Variants in ABHD12 observed in about 807,000 individuals in gnomAD.
ABHD12 encodes the protein abhydrolase domain containing 12, lysophospholipase.
A neutral mutation model predicts 58.3 loss-of-function variants in ABHD12; 43 were observed. The ratio of observed to expected loss-of-function variants is 0.74; its 90% confidence interval spans 0.58 to 0.95. ABHD12 has a LOEUF of 0.95. Among genes scored for constraint, ABHD12 ranks in the 40% least tolerant of loss-of-function variants. ABHD12 has a pLI of 0.00. For synonymous variants in ABHD12, 219 were observed against 211.2 expected (o/e 1.04, Z -0.32); for missense variants, 539 against 537.2 (o/e 1.00, Z -0.03).
intron 11 of ABHD12, 76 bp from the exon 12 acceptor site, chr20:25,302,422 G>A (rs911350780): frequency 1.3e-5 from 20 of 1,586,550 alleles, no homozygotes; most frequent in Non-Finnish European, 1.7e-5. Flanking sequence ...CAGCTTGGCA[G>A]CCTCCCCTTC....
intron 1 of ABHD12, among the ~76,000 whole-genome samples, chr20:25,350,819 G>A (rs1396866339): frequency 6.6e-6 from 1 of 152,076 alleles, no homozygotes; most frequent in African/African-American, 2.4e-5. Flanking sequence ...GACTAGAGCA[G>A]AACTTTATGA....
intron 11 of ABHD12, chr20:25,303,213 T>C (rs1219282544): frequency 5.8e-6 from 7 of 1,206,842 alleles, no homozygotes; most frequent in Non-Finnish European, 7.3e-6. Flanking sequence ...TCCAGCTGAG[T>C]TCCCAGGTTG....
At chr20:25,323,787 C>T (rs999495714) in intron 2 of ABHD12, among the ~76,000 whole-genome samples, 1 of 152,080 alleles carries the variant, frequency 6.6e-6, no homozygotes, top group African/African-American at 2.4e-5. Context: ...AGGAAAGATC[C>T]CCAACAGGTC....
At chr20:25,366,732 C>T (rs1048846556) in intron 1 of ABHD12, among the ~76,000 whole-genome samples, 1 of 152,196 alleles carries the variant, frequency 6.6e-6, no homozygotes, top group African/African-American at 2.4e-5. Flanking sequence ...AAATGGCTAC[C>T]CAATTGTCCC....
At chr20:25,376,128 T>A (rs948237537) in intron 1 of ABHD12, among the ~76,000 whole-genome samples, 5 of 151,122 alleles carry the variant, frequency 3.3e-5, no homozygotes, top group African/African-American at 4.9e-5. Flanking sequence ...TCTCAAAAAA[T>A]AATAATAATA....
intron 10 of ABHD12, among the ~76,000 whole-genome samples, chr20:25,305,949 C>T (rs949944524): frequency 2.0e-5 from 3 of 151,988 alleles, no homozygotes; most frequent in Non-Finnish European, 2.9e-5. Context: ...GCAGATCACC[C>T]GAGATCAGGA....
chr20:25,322,398 A>G (rs2089093910), intron 3 of ABHD12, among the ~76,000 whole-genome samples: 1 of 41,928 alleles, frequency 2.4e-5, no homozygotes, highest in African/African-American at 1.4e-4. Context: ...TTTTTTTTTG[A>G]GACAAGAGTC....
chr20:25,306,683 G>C, intron 10 of ABHD12, 150 bp downstream of exon 10: 2 of 619,756 alleles, frequency 3.2e-6, no homozygotes, highest in South Asian at 1.9e-5. Flanking sequence ...TCCCTAGCAG[G>C]CTTTCCCTTT....
In ABHD12 at chr20:25,323,413, T is replaced by A. The variant is rs376230028; in HGVS notation, c.334A>T (p.Ile112Phe). ...TGATCCTGTGGTTTTTTCAAATCAA[T>A]GAAATAGGGAACTCTTACTGTAGGA... ...FLNFVRVPYFIDLKKPQDQGL... is the reference protein window; with the variant it reads ...FLNFVRVPYFFDLKKPQDQGL... Residue 112 changes from isoleucine to phenylalanine, a missense_variant, in exon 3 of 13, where the codon ATT becomes TTT. Transcript: ENST00000339157. 25 of 1,609,236 alleles carry A rather than the reference T, an allele frequency of 1.6e-5. No homozygotes were observed. Among genetic ancestry groups the A allele is most frequent in the Non-Finnish European group, 1.7e-6 (2 of 1,175,674 alleles).
intron 2 of ABHD12, among the ~76,000 whole-genome samples, chr20:25,329,324 C>T (rs2089228452): frequency 6.6e-6 from 1 of 152,252 alleles, no homozygotes; most frequent in South Asian, 2.1e-4. Flanking sequence ...GCAGGCTCTT[C>T]TGAACCGGGA....
intron 1 of ABHD12, among the ~76,000 whole-genome samples, chr20:25,387,737 A>G (rs34645895): frequency 0.54 from 81,944 of 151,382 alleles, 22,757 homozygotes; most frequent in Admixed American, 0.61. Flanking sequence ...TTTCTTAAAA[A>G]AAAAATTGTT....
rs1374906524 is a variant in ABHD12 at position 25,359,442 on chromosome 20, AAAAC to A, written c.192-20095_192-20092del. On this transcript the variant is annotated intron_variant, in intron 1 of 12. Coordinates refer to ENST00000339157, the MANE Select transcript of ABHD12 (RefSeq NM_001042472.3). ...CCGTCTCAAAAAAAAAAAAAAAAAAAAAACATTTCTATTTCACTGTTTCTTCTAT... is the reference window on the plus strand; with the variant it reads ...CCGTCTCAAAAAAAAAAAAAAAAAAAATTTCTATTTCACTGTTTCTTCTAT... Among the ~76,000 whole-genome samples, 4 of 50,978 alleles carry A rather than the reference AAAAC, an allele frequency of 7.8e-5. 1 individual carries two copies. The highest frequency in any genetic ancestry group is 1.9e-4 in the African/African-American group (4 of 20,838). 33.4% of individuals were successfully genotyped at this position (50,978 alleles called of 152,430 possible).
chr20:25,323,362 A>G lies in ABHD12; in HGVS notation c.385T>C (p.Tyr129His), dbSNP rs372449951. 3 of 1,614,122 alleles carry G rather than the reference A, an allele frequency of 1.9e-6. No homozygotes were observed. The highest frequency in any genetic ancestry group is 2.5e-6 in the Non-Finnish European group (3 of 1,179,938). The part of the protein sequence containing the change: ...DQGLNHTCNY[Y>H]LQPEEDVTIG... ...GTCACGTCTTCCTCTGGCTGCAGGT[A>G]GTAGTTACACGTGTGATTCAAACCT... The change falls in exon 3 of 13, where the codon TAC becomes CAC. Residue 129 changes from tyrosine (Y) to histidine (H), a missense_variant. By Grantham distance (83) the Tyr-to-His change is moderately conservative (BLOSUM62 2). Transcript: ENST00000339157.
intron 10 of ABHD12, among the ~76,000 whole-genome samples, chr20:25,304,002 T>C (rs1193165155): frequency 3.3e-5 from 5 of 152,262 alleles, no homozygotes. Context: ...CTAATTTATC[T>C]GTGTAAGTGA....
intron 1 of ABHD12, 68 bp from the exon 2 acceptor site, chr20:25,339,419 T>C (rs940074109): frequency 3.2e-5 from 52 of 1,609,776 alleles, no homozygotes; most frequent in Non-Finnish European, 4.2e-5. Context: ...TTGTTAATAG[T>C]GTTATCAAAA....
downstream of ABHD12, among the ~76,000 whole-genome samples, chr20:25,299,570 G>A (rs575605449): frequency 2.0e-5 from 3 of 152,242 alleles, no homozygotes; most frequent in African/African-American, 7.2e-5. Flanking sequence ...GTCAGGAGCT[G>A]AAGTGTGCGA....
chr20:25,385,999 G>C (rs2090084863), intron 1 of ABHD12, among the ~76,000 whole-genome samples: 1 of 151,760 alleles, frequency 6.6e-6, no homozygotes, highest in Non-Finnish European at 1.5e-5. Context: ...TACTTGGGAG[G>C]CTGAGGCAGG....
intron 1 of ABHD12, among the ~76,000 whole-genome samples, chr20:25,342,103 C>CAAAA (rs11476197): frequency 1.0e-4 from 7 of 69,768 alleles, no homozygotes; most frequent in African/African-American, 3.2e-4. Flanking sequence ...AACTCTGTCT[C>CAAAA]AAAAAAAAAA....
chr20:25,360,244 T>C (rs1336146407), intron 1 of ABHD12, among the ~76,000 whole-genome samples: 1 of 121,252 alleles, frequency 8.2e-6, no homozygotes, highest in Non-Finnish European at 1.7e-5. Flanking sequence ...TTTTTTTTTT[T>C]TTTTTTTTTT....
Sources: allele counts gnomAD v4.1 joint callset (sites outside exome capture counted in the v4.1 genomes callset), GRCh38; gene constraint gnomAD v4.1.1; transcripts MANE v1.5; gene names NCBI Gene and HGNC (gene_info 2026-07-23, HGNC 2026-07-21).